Variants in PCGF5 observed in about 807,000 individuals in gnomAD.
PCGF5 encodes the protein polycomb group ring finger 5.
In PCGF5, 9 loss-of-function variants were observed where a neutral mutation model predicts 44.3. The ratio of observed to expected loss-of-function variants is 0.20; its 90% CI spans 0.12 to 0.35. The LOEUF is 0.35. Among genes scored for constraint, PCGF5 ranks in the 10% least tolerant of loss-of-function variants. The pLI is 1.00. For synonymous variants in PCGF5, 95 were observed against 102.5 expected (o/e 0.93, Z 0.44); for missense variants, 146 against 305.3 (o/e 0.48, Z 3.89).
chr10:91,237,523 A>T (rs945464877), intron 2 of PCGF5, among the ~76,000 whole-genome samples: 2 of 152,174 alleles, frequency 1.3e-5, no homozygotes, highest in Non-Finnish European at 2.9e-5. Flanking sequence ...TGGGCAGATT[A>T]CTTGAGGCCA....
Position 91,277,306 on chromosome 10 carries a change from C to T in PCGF5, c.724-963C>T, listed in dbSNP as rs151335676. 6.3e-3 allele frequency among the ~76,000 whole-genome samples: 955 copies of T among 152,248 alleles called. 12 individuals are homozygous for T. Among genetic ancestry groups the T allele is most frequent in the African/African-American group, 0.021 (872 of 41,548 alleles). The stretch of plus-strand genomic sequence containing the variant: ...TGAAAGAATACAAAGTTCTCTATAC[C>T]GTATTTTTATATTCATGTATACCAA... On this transcript the variant is annotated intron_variant, in intron 9 of 9. Coordinates refer to ENST00000336126, the MANE Select transcript of PCGF5 (RefSeq NM_032373.5).
chr10:91,170,647 A>G (rs1450305287), intron 1 of PCGF5, among the ~76,000 whole-genome samples: 1 of 152,214 alleles, frequency 6.6e-6, no homozygotes, highest in African/African-American at 2.4e-5. Flanking sequence ...AGGAACTCTC[A>G]TTTATTACTA....
chr10:91,200,456 G>A (rs759355632), intron 1 of PCGF5, among the ~76,000 whole-genome samples: 30 of 152,206 alleles, frequency 2.0e-4, no homozygotes, highest in Non-Finnish European at 3.8e-4. Context: ...ATATATGTTT[G>A]AAAGAAGAAG....
At chr10:91,202,495 A>G (rs914928930) in intron 1 of PCGF5, among the ~76,000 whole-genome samples, 9 of 152,206 alleles carry the variant, frequency 5.9e-5, no homozygotes, top group African/African-American at 1.9e-4. Flanking sequence ...AAATAGGATA[A>G]ATTTGTAAGC....
chr10:91,244,648 C>T (rs1453412091), intron 3 of PCGF5, among the ~76,000 whole-genome samples: 3 of 152,138 alleles, frequency 2.0e-5, no homozygotes, highest in African/African-American at 7.2e-5. Flanking sequence ...AAAGTAATTG[C>T]AATGACCCTG....
At chr10:91,266,827 T>C (rs1219426149) in intron 8 of PCGF5, among the ~76,000 whole-genome samples, 1 of 152,116 alleles carries the variant, frequency 6.6e-6, no homozygotes, top group East Asian at 1.9e-4. Flanking sequence ...CATCAAAATA[T>C]ACATTCAGAA....
chr10:91,177,188 C>T (rs1207469244), intron 1 of PCGF5, among the ~76,000 whole-genome samples: 1 of 152,188 alleles, frequency 6.6e-6, no homozygotes, highest in African/African-American at 2.4e-5. Context: ...CCCTGTTTGC[C>T]TGGGTATCAG....
chr10:91,164,854 C>T (rs1264496040), intron 1 of PCGF5, among the ~76,000 whole-genome samples: 1 of 152,244 alleles, frequency 6.6e-6, no homozygotes, highest in Non-Finnish European at 1.5e-5. Flanking sequence ...CTTCACTGCG[C>T]TTAATCGCTA....
chr10:91,255,108 C>T (rs772596645), intron 6 of PCGF5, among the ~76,000 whole-genome samples: 3 of 152,034 alleles, frequency 2.0e-5, no homozygotes, highest in Admixed American at 6.6e-5. Context: ...GGAGACCCCA[C>T]TTACAAGATT....
At chr10:91,171,027 C>T (rs1412298310) in intron 1 of PCGF5, among the ~76,000 whole-genome samples, 1 of 152,180 alleles carries the variant, frequency 6.6e-6, no homozygotes, top group African/African-American at 2.4e-5. Flanking sequence ...AACTACACAA[C>T]ATTCTGGGCA....
chr10:91,206,666 G>A (rs986475663), intron 1 of PCGF5, among the ~76,000 whole-genome samples: 2 of 152,160 alleles, frequency 1.3e-5, no homozygotes, highest in African/African-American at 2.4e-5. Flanking sequence ...TTAGAGTAAA[G>A]GGTGAAGTCT....
Position 91,229,981 on chromosome 10 carries a change from CTT to C in PCGF5, c.112+7004_112+7005del, listed in dbSNP as rs552015637. The stretch of plus-strand genomic sequence containing the variant: ...ATGATTATAATGTTCATTTTGATGA[CTT>C]TTTTTAAATAAGAAAGAATAATTAT... On this transcript the variant is annotated intron_variant, in intron 2 of 9. Transcript: ENST00000336126. 1.2e-3 allele frequency among the ~76,000 whole-genome samples: 175 copies of C among 152,050 alleles called. 1 individual carries two copies. The highest frequency in any genetic ancestry group is 2.2e-3 in the Non-Finnish European group (149 of 67,944).
intron 1 of PCGF5, among the ~76,000 whole-genome samples, chr10:91,215,127 A>G (rs2133259408): frequency 6.6e-6 from 1 of 152,344 alleles, no homozygotes; most frequent in East Asian, 1.9e-4. Flanking sequence ...GAAGTGAAAT[A>G]TCATTGTAAG....
chr10:91,217,323 C>T (rs1844561969), upstream of PCGF5, among the ~76,000 whole-genome samples: 3 of 152,166 alleles, frequency 2.0e-5, no homozygotes, highest in Non-Finnish European at 2.9e-5. Context: ...TGAGCCACCG[C>T]ACCCAGCTGA....
intron 1 of PCGF5, among the ~76,000 whole-genome samples, chr10:91,185,328 C>G (rs1417693631): frequency 6.6e-6 from 1 of 152,220 alleles, no homozygotes; most frequent in African/African-American, 2.4e-5. Flanking sequence ...GCTGGGGGAT[C>G]CCTTCTGCCC....
At chr10:91,207,113 A>C (rs1474275048) in intron 1 of PCGF5, among the ~76,000 whole-genome samples, 1 of 152,218 alleles carries the variant, frequency 6.6e-6, no homozygotes, top group African/African-American at 2.4e-5. Flanking sequence ...TTTTCTAAGA[A>C]GGGGCTTTTA....
At chr10:91,228,695 A>G (rs886300361) in intron 2 of PCGF5, among the ~76,000 whole-genome samples, 12 of 152,242 alleles carry the variant, frequency 7.9e-5, no homozygotes, top group Admixed American at 3.9e-4. Flanking sequence ...ATATACAAGT[A>G]CTTAAGGTAC....
At chr10:91,259,705 A>G (rs886680912) in intron 6 of PCGF5, among the ~76,000 whole-genome samples, 76 of 152,220 alleles carry the variant, frequency 5.0e-4, no homozygotes, top group Non-Finnish European at 9.0e-4. Flanking sequence ...ACCTGACAAA[A>G]ACAAGAAATG....
intron 9 of PCGF5, among the ~76,000 whole-genome samples, chr10:91,276,393 T>G (rs1483375523): frequency 6.6e-6 from 1 of 152,214 alleles, no homozygotes; most frequent in Non-Finnish European, 1.5e-5. Flanking sequence ...GACTAGAAAC[T>G]GAAACGCAGG....
Sources: gnomAD v4.1 joint callset for allele counts (sites outside exome capture counted in the v4.1 genomes callset) on GRCh38, gnomAD v4.1.1 for gene constraint, MANE v1.5 for transcripts, NCBI Gene and HGNC (gene_info 2026-07-23, HGNC 2026-07-21) for gene names.